Variants in TRABD2B observed in about 807,000 individuals in gnomAD.
The protein encoded by TRABD2B is metalloprotease TIKI2.
In TRABD2B, 14 loss-of-function variants were observed where a neutral mutation model predicts 40.1. The observed-to-expected ratio is 0.35, with a 90% CI of 0.23 to 0.55. The LOEUF is 0.55. Among genes scored for constraint, TRABD2B ranks in the 20% least tolerant of loss-of-function variants. TRABD2B has a pLI of 0.90. For synonymous variants in TRABD2B, 263 were observed against 277.0 expected (o/e 0.95, Z 0.50); for missense variants, 541 against 648.6 (o/e 0.83, Z 1.80).
intron 2 of TRABD2B, among the ~76,000 whole-genome samples, chr1:47,878,145 T>C (rs1401892720): frequency 6.6e-6 from 1 of 151,880 alleles, no homozygotes; most frequent in Non-Finnish European, 1.5e-5. Context: ...AGAAATCCCA[T>C]CTCTATTAAA....
intron 2 of TRABD2B, among the ~76,000 whole-genome samples, chr1:47,853,944 A>T (rs1217907948): frequency 6.6e-6 from 1 of 152,218 alleles, no homozygotes; most frequent in Admixed American, 6.5e-5. Flanking sequence ...TGCCTGCAGC[A>T]GCAAGCAAGC....
chr1:47,878,147 T>C (rs571057979), intron 2 of TRABD2B, among the ~76,000 whole-genome samples: 1 of 152,128 alleles, frequency 6.6e-6, no homozygotes, highest in Admixed American at 6.5e-5. Context: ...AAATCCCATC[T>C]CTATTAAAAG....
At chr1:47,924,946 G>A (rs952953514) in intron 2 of TRABD2B, among the ~76,000 whole-genome samples, 1 of 152,174 alleles carries the variant, frequency 6.6e-6, no homozygotes, top group Non-Finnish European at 1.5e-5. Flanking sequence ...CAGAGGCAGC[G>A]CTTGGCTCAG....
chr1:47,991,813 T>C (rs1267120635), intron 2 of TRABD2B, among the ~76,000 whole-genome samples: 1 of 152,186 alleles, frequency 6.6e-6, no homozygotes, highest in East Asian at 1.9e-4. Context: ...GATATTTCAG[T>C]GCACTAATGC....
chr1:47,909,714 A>T (rs1644731878), intron 2 of TRABD2B, among the ~76,000 whole-genome samples: 1 of 147,090 alleles, frequency 6.8e-6, no homozygotes, highest in Admixed American at 6.7e-5. Context: ...CCATGACCCA[A>T]ACACCTCCCA....
intron 2 of TRABD2B, among the ~76,000 whole-genome samples, chr1:47,990,812 TATATATATATATATATATATATAA>T (rs1645997888): frequency 3.7e-5 from 3 of 81,804 alleles, no homozygotes; most frequent in Admixed American, 2.7e-4. Context: ...TATATATATA[TATATATATATATATATATATATAA>T]AACGTTGGTT....
intron 2 of TRABD2B, among the ~76,000 whole-genome samples, chr1:47,968,291 A>T (rs540588905): frequency 6.6e-6 from 1 of 152,310 alleles, no homozygotes; most frequent in African/African-American, 2.4e-5. Flanking sequence ...TTGCTCAGCA[A>T]ATCCTTTTCC....
intron 2 of TRABD2B, among the ~76,000 whole-genome samples, chr1:47,852,140 C>T (rs1171653105): frequency 5.3e-5 from 8 of 152,178 alleles, no homozygotes; most frequent in South Asian, 4.1e-4. Flanking sequence ...CACCAGCCAC[C>T]GCCATGGGCC....
At chr1:47,866,218 AGGC>A (rs1479779691) in intron 2 of TRABD2B, among the ~76,000 whole-genome samples, 1 of 151,830 alleles carries the variant, frequency 6.6e-6, no homozygotes, top group African/African-American at 2.4e-5. Context: ...GAGCAGACCC[AGGC>A]TCTAAAGTCG....
chr1:47,929,259 G>C (rs1029154419), intron 2 of TRABD2B, among the ~76,000 whole-genome samples: 4 of 152,310 alleles, frequency 2.6e-5, no homozygotes, highest in South Asian at 2.1e-4. Context: ...TGAAGAGAGA[G>C]AGCCTCCTTA....
chr1:47,997,332 G>T lies in TRABD2B; in HGVS notation c.-543C>A, dbSNP rs1477445468. The stretch of plus-strand genomic sequence containing the variant: ...TCAGAGGGGCGGCGGGCGGCCGCGC[G>T]GCCGCTGCCCGGGCTCCGCCATGCT... On this transcript the variant is annotated 5_prime_UTR_variant, in exon 1 of 7. Coordinates refer to ENST00000606738, the MANE Select transcript of TRABD2B (RefSeq NM_001194986.2). 2.0e-6 allele frequency: 1 copy of T among 490,516 alleles called. No homozygotes were observed. The highest frequency in any genetic ancestry group is 2.6e-6 in the Non-Finnish European group (1 of 382,398). The allele number at this position is 490,516 out of a possible 1,614,324, so 30.4% of individuals were successfully genotyped here.
intron 2 of TRABD2B, among the ~76,000 whole-genome samples, chr1:47,939,306 G>A (rs2148357882): frequency 6.6e-6 from 1 of 152,228 alleles, no homozygotes; most frequent in East Asian, 1.9e-4. Flanking sequence ...TCAATGAGCA[G>A]GCTGGTGCAC....
Position 47,766,045 on chromosome 1 carries a change from G to A in TRABD2B, c.1411C>T (p.Pro471Ser), listed in dbSNP as rs1644298062. 5.7e-6 allele frequency: 4 copies of A among 696,066 alleles called. No homozygotes were observed. Among genetic ancestry groups the A allele is most frequent in the African/African-American group, 1.7e-5 (1 of 57,212 alleles). The allele number at this position is 696,066 out of a possible 1,614,324, so 43.1% of individuals were successfully genotyped here. A position where few individuals can be genotyped will look rare whatever the true frequency, so the allele number is the denominator to read the frequency against. The change falls in exon 7 of 7, where the codon CCC (proline) becomes TCC (serine). Residue 471 changes from proline to serine, a missense_variant. By Grantham distance (74) the Pro-to-Ser change is moderately conservative. Transcript: ENST00000606738. ...AGCTGGTCTGAAAGCTGGAAGGGGG[G>A]CTTGGCGGTCCCCGAGCTGTGGGTG... ...QPTHSSGTAK[P>S]PFQLSDQLQQ...
At chr1:47,847,751 A>G (rs1645491995) in intron 2 of TRABD2B, among the ~76,000 whole-genome samples, 1 of 152,372 alleles carries the variant, frequency 6.6e-6, no homozygotes, top group South Asian at 2.1e-4. Context: ...CCACATTACC[A>G]AAATCATACG....
chr1:47,943,995 A>G (rs1210538960), intron 2 of TRABD2B, among the ~76,000 whole-genome samples: 1 of 152,164 alleles, frequency 6.6e-6, no homozygotes, highest in Non-Finnish European at 1.5e-5. Flanking sequence ...TCAACTAATC[A>G]TTTCTGCAAC....
intron 2 of TRABD2B, among the ~76,000 whole-genome samples, chr1:47,862,782 T>C (rs769366853): frequency 2.6e-5 from 4 of 151,434 alleles, no homozygotes; most frequent in Non-Finnish European, 5.9e-5. Context: ...GAACACAATA[T>C]TAAAGGAGAA....
intron 2 of TRABD2B, among the ~76,000 whole-genome samples, chr1:47,901,753 G>C (rs954436595): frequency 1.3e-5 from 2 of 152,206 alleles, no homozygotes; most frequent in Admixed American, 6.5e-5. Context: ...AACCAGGCAG[G>C]TCTGTGTCCT....
intron 2 of TRABD2B, among the ~76,000 whole-genome samples, chr1:47,875,674 CAAAAAAAAAA>C (rs10541556): frequency 1.3e-5 from 1 of 75,928 alleles, no homozygotes; most frequent in Admixed American, 1.7e-4. Context: ...AACCCTGTCT[CAAAAAAAAAA>C]AAAAAAAAAA....
At chr1:47,805,923 C>T (rs1644885858) in intron 2 of TRABD2B, among the ~76,000 whole-genome samples, 1 of 152,148 alleles carries the variant, frequency 6.6e-6, no homozygotes, top group African/African-American at 2.4e-5. Flanking sequence ...ATGTATCCTC[C>T]TAGTTAACCA....
Sources: allele counts gnomAD v4.1 joint callset (sites outside exome capture counted in the v4.1 genomes callset), GRCh38; gene constraint gnomAD v4.1.1; transcripts MANE v1.5; gene names NCBI Gene and HGNC (gene_info 2026-07-23, HGNC 2026-07-21).